The following ZNF717 variants were observed in gnomAD, a reference collection of about 807,000 sequenced individuals.
ZNF717 encodes the protein zinc finger protein 717, also known as krueppel-like factor X17.
ZNF717 carries 9 observed loss-of-function variants against 13.8 expected under a neutral mutation model. The observed-to-expected ratio is 0.65, with a 90% confidence interval of 0.39 to 1.14. The LOEUF (loss-of-function observed/expected upper bound fraction) is 1.14. ZNF717 is among the 50% of genes most tolerant of loss of function. The pLI is 0.01. For synonymous variants in ZNF717, 327 were observed against 364.1 expected, an observed-to-expected ratio of 0.90 and a Z score of 1.16; for missense variants, 1,040 against 1,080.7, an observed-to-expected ratio of 0.96 and a Z score of 0.53.
downstream of ZNF717, among the ~76,000 whole-genome samples, chr3:75,728,030 T>C (rs796543242): frequency 6.6e-6 from 1 of 152,180 alleles, no homozygotes; most frequent in Non-Finnish European, 1.5e-5. Context: ...ACCTCACATG[T>C]GGGACTTGAT....
At chr3:75,748,899 T>C (rs1373277301) in intron 2 of ZNF717, among the ~76,000 whole-genome samples, 7 of 152,044 alleles carry the variant, frequency 4.6e-5, no homozygotes, top group Admixed American at 6.6e-5. Context: ...GGAGGTCAAA[T>C]TGTCCCTGTT....
chr3:75,739,719 G>A (rs1940114360), intron 4 of ZNF717, among the ~76,000 whole-genome samples: 1 of 151,590 alleles, frequency 6.6e-6, no homozygotes, highest in Non-Finnish European at 1.5e-5. Flanking sequence ...TGTTTTAATA[G>A]CTGCTATTTT....
intron 2 of ZNF717, among the ~76,000 whole-genome samples, chr3:75,765,025 A>ATATATG (rs1200193895): frequency 2.4e-4 from 15 of 61,426 alleles, no homozygotes; most frequent in Non-Finnish European, 4.4e-4. Flanking sequence ...ATATATATAT[A>ATATATG]TATATGTATA....
intron 4 of ZNF717, among the ~76,000 whole-genome samples, chr3:75,719,447 T>C (rs1337610658): frequency 1.2e-3 from 180 of 152,288 alleles, no homozygotes; most frequent in Non-Finnish European, 2.1e-3. Flanking sequence ...TGACAGATAA[T>C]GTAGTTCAAA....
At chr3:75,696,531 G>C (rs1172003437) in intron 6 of ZNF717, among the ~76,000 whole-genome samples, 1 of 152,310 alleles carries the variant, frequency 6.6e-6, no homozygotes, top group African/African-American at 2.4e-5. Flanking sequence ...TAATGACCAA[G>C]TGGGATTTAT....
At position 75,741,752 on chromosome 3, in the gene ZNF717, G is replaced by A; in HGVS notation, c.58-16C>T. The A allele has an allele frequency of 3.8e-6, 6 of 1,559,124 alleles. No homozygotes were observed. The highest frequency in any genetic ancestry group is 5.2e-6 in the Non-Finnish European group (6 of 1,155,010). ...ACACCAACTCCTGTAATGATACCAG[G>A]CTGTTGTAGGTCTCCAGCATCACGT... On this transcript the variant is annotated splice_polypyrimidine_tract_variant and intron_variant, in intron 2 of 4. Coordinates refer to ENST00000652011, the MANE Select transcript of ZNF717 (RefSeq NM_001290208.3).
At position 75,738,377 on chromosome 3, in the gene ZNF717, T is replaced by C. The variant is rs1939793820; in HGVS notation, c.1246A>G (p.Thr416Ala). Reference protein sequence around the residue: ...QKSYLTIHHRTHTGEKPYACD... With the variant: ...QKSYLTIHHRAHTGEKPYACD... ...GCATAGGGCTTTTCCCCTGTGTGAG[T>C]TCTATGATGTATTGTGAGGTATGAC... Residue 416 changes from threonine (T) to alanine (A), a missense_variant, in exon 5 of 5, where the codon ACT becomes GCT. By Grantham distance (58) the Thr-to-Ala change is moderately conservative. This residue lies in a region of ZNF717 where 873 missense variants were observed against 832.8 expected (regional missense o/e 1.05). Transcript: ENST00000652011. The C allele has an allele frequency of 1.9e-6, 3 of 1,541,708 alleles. No homozygotes were observed. The highest frequency in any genetic ancestry group is 2.0e-5 in the Admixed American group (1 of 50,494).
At chr3:75,699,586 A>G (rs78620003) in intron 6 of ZNF717, among the ~76,000 whole-genome samples, 1 of 151,086 alleles carries the variant, frequency 6.6e-6, no homozygotes, top group Non-Finnish European at 1.5e-5. Flanking sequence ...TGTGATGTGC[A>G]AGCACCAGAT....
intron 2 of ZNF717, among the ~76,000 whole-genome samples, chr3:75,762,531 A>G (rs4974311): frequency 0.96 from 141,303 of 147,680 alleles, 67,625 homozygotes; most frequent in East Asian, 1. Flanking sequence ...TTTGAACACC[A>G]AAAACTACAA....
exon 6 of ZNF717, chr3:75,710,015 A>G (rs544638576): frequency 6.6e-6 from 1 of 152,326 alleles, no homozygotes; most frequent in Non-Finnish European, 1.5e-5. Context: ...TGAAGGGAGT[A>G]GTTTTCAGGC....
At chr3:75,714,092 G>A (rs1293787767) in intron 5 of ZNF717, among the ~76,000 whole-genome samples, 1 of 152,150 alleles carries the variant, frequency 6.6e-6, no homozygotes, top group Non-Finnish European at 1.5e-5. Context: ...GAACATGAAA[G>A]CGGACTAGGA....
chr3:75,758,449 A>T (rs1471608753), intron 2 of ZNF717, among the ~76,000 whole-genome samples: 1 of 152,126 alleles, frequency 6.6e-6, no homozygotes, highest in Non-Finnish European at 1.5e-5. Context: ...GGAGGGCTTG[A>T]CAGGATTGAA....
intron 4 of ZNF717, chr3:75,716,594 A>T (rs1164427824): frequency 1.3e-5 from 2 of 152,250 alleles, no homozygotes; most frequent in Non-Finnish European, 2.9e-5. Context: ...GAAAGAAAGC[A>T]AGGAGCTCAA....
At chr3:75,711,688 G>A (rs1046570527) in intron 5 of ZNF717, among the ~76,000 whole-genome samples, 8 of 152,248 alleles carry the variant, frequency 5.3e-5, no homozygotes, top group Non-Finnish European at 8.8e-5. Flanking sequence ...GGAGGTTGAG[G>A]ATGCTGTGAG....
rs374276334 is a variant in ZNF717, at chr3:75,738,514, A to G, written c.1109T>C (p.Ile370Thr). Residue 370 changes from isoleucine (I) to threonine (T), a missense_variant, in exon 5 of 5, where the codon ATT becomes ACT. Physicochemically the swap from Ile to Thr is moderately conservative, Grantham distance 89. Around this residue, in one of 3 missense-constraint regions of ZNF717, gnomAD observed 873 missense variants for 832.8 expected, o/e 1.05. Transcript: ENST00000652011. Reference sequence around the variant, plus strand: ...ACAGTGAAAAGTTTTTCCACATTCAATACATTTGTAGGGTTTATCCCCTGT... The same window carrying G: ...ACAGTGAAAAGTTTTTCCACATTCAGTACATTTGTAGGGTTTATCCCCTGT... The part of the protein sequence containing the change: ...THTGDKPYKC[I>T]ECGKTFHCKS... The G allele has an allele frequency of 1.5e-5, 23 of 1,539,900 alleles. No individual in the cohort carries two copies. The highest frequency in any genetic ancestry group is 1.9e-5 in the Non-Finnish European group (22 of 1,139,232).
At chr3:75,755,467 A>C (rs941915413) in intron 2 of ZNF717, among the ~76,000 whole-genome samples, 13 of 151,944 alleles carry the variant, frequency 8.6e-5, no homozygotes, top group Non-Finnish European at 1.6e-4. Flanking sequence ...GTATTTATTC[A>C]TAATTGATCT....
chr3:75,713,343 G>GT (rs1295872316), intron 5 of ZNF717, among the ~76,000 whole-genome samples: 1 of 151,290 alleles, frequency 6.6e-6, no homozygotes, highest in Non-Finnish European at 1.5e-5. Context: ...TAGAGATGGG[G>GT]TTTTACCATG....
intron 2 of ZNF717, among the ~76,000 whole-genome samples, chr3:75,767,679 A>G (rs1943590938): frequency 6.6e-6 from 1 of 152,186 alleles, no homozygotes; most frequent in Admixed American, 6.5e-5. Flanking sequence ...ACGGAAACTG[A>G]AAGGGCACTG....
At chr3:75,780,353 G>A (rs1001793799) in intron 2 of ZNF717, among the ~76,000 whole-genome samples, 5 of 152,240 alleles carry the variant, frequency 3.3e-5, no homozygotes, top group African/African-American at 1.2e-4. Flanking sequence ...GTAGTGCTAA[G>A]GCCCTACATT....
Sources: allele counts gnomAD v4.1 joint callset (sites outside exome capture counted in the v4.1 genomes callset), GRCh38; gene constraint gnomAD v4.1.1; regional missense constraint gnomAD v4.1.1; transcripts MANE v1.5; gene names NCBI Gene and HGNC (gene_info 2026-07-23, HGNC 2026-07-21).